CMTR1: variants seen among roughly 807,000 people sequenced by gnomAD.
The protein encoded by CMTR1 is cap-specific mRNA (nucleoside-2'-O-)-methyltransferase 1.
In CMTR1, 39 loss-of-function variants were observed where a neutral mutation model predicts 107.0. That is an observed-to-expected ratio of 0.36 (90% CI 0.28 to 0.48). The LOEUF is 0.48. CMTR1 is among the 20% of genes least tolerant of loss of function. CMTR1 has a pLI of 0.99. For missense variants in CMTR1, 672 were observed against 1,064.9 expected (o/e 0.63, Z 5.14); for synonymous variants, 366 against 379.5 (o/e 0.96, Z 0.41).
intron 10 of CMTR1, among the ~76,000 whole-genome samples, chr6:37,461,303 C>A (rs1346715243): frequency 6.6e-6 from 1 of 152,202 alleles, no homozygotes; most frequent in African/African-American, 2.4e-5. Context: ...AGGCTTGGTT[C>A]CATCCCCTGA....
At position 37,462,999 on chromosome 6, in the gene CMTR1, C is replaced by A; in HGVS notation, c.1496C>A (p.Ser499Tyr). The part of the protein sequence containing the change: ...DHEFTDYMIR[S>Y]NESHCSLQIK... Reference sequence around the variant, plus strand: ...GAATTTACTGACTACATGATACGGTCCAATGAGAGGTAAGCCAACGGGCTG... The same window carrying A: ...GAATTTACTGACTACATGATACGGTACAATGAGAGGTAAGCCAACGGGCTG... The change falls in exon 13 of 24, where the codon TCC (serine) becomes TAC (tyrosine). Residue 499 changes from serine to tyrosine, a missense_variant. By Grantham distance (144) the Ser-to-Tyr change is moderately radical. Around this residue, in one of 2 missense-constraint regions of CMTR1, gnomAD observed 583 missense variants for 968.4 expected, o/e 0.60. Coordinates refer to ENST00000373451, the MANE Select transcript of CMTR1 (RefSeq NM_015050.3). 6.2e-7 allele frequency: 1 copy of A among 1,613,880 alleles called. No homozygotes were observed. The highest frequency in any genetic ancestry group is 1.1e-5 in the South Asian group (1 of 91,038).
chr6:37,475,747 G>A, intron 19 of CMTR1: 1 of 488,888 alleles, frequency 2.0e-6, no homozygotes, highest in Non-Finnish European at 3.7e-6. Flanking sequence ...TCCTGTGCTT[G>A]AGTGGTCCCA....
At chr6:37,427,862 G>A in the CMTR1 span, among the ~76,000 whole-genome samples, 17 of 152,210 alleles carry the variant, frequency 1.1e-4, no homozygotes, top group African/African-American at 4.1e-4. This position sits in a 1 kb window ranked among gnomAD's most constrained non-coding sequence, Gnocchi z 4.4. Flanking sequence ...AGAATTCCAC[G>A]TTGACTGTTC....
intron 9 of CMTR1, 118 bp from the exon 10 acceptor site, chr6:37,459,448 G>T: frequency 1.3e-6 from 1 of 790,242 alleles, no homozygotes; most frequent in Non-Finnish European, 2.2e-6. Context: ...AGCCTTGCAG[G>T]ATGGGCCCTA....
At position 37,480,774 on chromosome 6, in the gene CMTR1, A is replaced by G. The variant is rs749635756; in HGVS notation, c.*629A>G. On this transcript the variant is annotated 3_prime_UTR_variant, in exon 24 of 24. Coordinates refer to ENST00000373451, the MANE Select transcript of CMTR1 (RefSeq NM_015050.3). ...AGCTCTGACAGTCCAGCAGGGTGGG[A>G]AGGAGGGAGTTTGGGCAAACTCTCA... 3.6e-5 allele frequency: 39 copies of G among 1,090,974 alleles called. No individual in the cohort carries two copies. The highest frequency in any genetic ancestry group is 4.1e-5 in the Non-Finnish European group (37 of 892,910). The allele number at this position is 1,090,974 out of a possible 1,614,324, so 67.6% of individuals were successfully genotyped here. A position where few individuals can be genotyped will look rare whatever the true frequency, so the allele number is the denominator to read the frequency against.
At chr6:37,424,320 G>A in the CMTR1 span, among the ~76,000 whole-genome samples, 1 of 150,888 alleles carries the variant, frequency 6.6e-6, no homozygotes, top group South Asian at 2.1e-4. Context: ...TCAGCTCACT[G>A]CAAGCTGCGC....
chr6:37,424,395 A>G, the CMTR1 span, among the ~76,000 whole-genome samples: 1 of 150,298 alleles, frequency 6.7e-6, no homozygotes, highest in African/African-American at 2.4e-5. Context: ...GGCGCCCGCC[A>G]CCTCGCCTGG....
intron 12 of CMTR1, among the ~76,000 whole-genome samples, chr6:37,462,492 C>T (rs1032880895): frequency 1.3e-5 from 2 of 152,158 alleles, no homozygotes; most frequent in African/African-American, 2.4e-5. Flanking sequence ...CAGAATTGCC[C>T]GGTGGCTTTG....
chr6:37,445,158 A>C (rs1438739573), intron 3 of CMTR1, among the ~76,000 whole-genome samples: 1 of 152,222 alleles, frequency 6.6e-6, no homozygotes, highest in African/African-American at 2.4e-5. Context: ...GATTTGGGGA[A>C]GTTAAAGATG....
chr6:37,470,620 TA>T (rs1761604454), intron 13 of CMTR1, among the ~76,000 whole-genome samples: 1 of 152,210 alleles, frequency 6.6e-6, no homozygotes, highest in Non-Finnish European at 1.5e-5. Flanking sequence ...ATTTTTTTAT[TA>T]AATGCCAGAC....
Position 37,461,966 on chromosome 6 carries a change from C to A in CMTR1, c.1193-4C>A. The A allele has an allele frequency of 6.2e-7, 1 of 1,613,510 alleles. No individual in the cohort carries two copies. Among genetic ancestry groups the A allele is most frequent in the Non-Finnish European group, 8.5e-7 (1 of 1,179,892 alleles). On this transcript the variant is annotated splice_region_variant and splice_polypyrimidine_tract_variant and intron_variant, in intron 11 of 23. Coordinates refer to ENST00000373451, the MANE Select transcript of CMTR1 (RefSeq NM_015050.3). ...CTGCTTTTGGTGTTTTCTCTCTAAT[C>A]TAGGAGGCCACTTCATCTGTAAAAC...
At chr6:37,475,081 C>T (rs892695757) in intron 18 of CMTR1, among the ~76,000 whole-genome samples, 1 of 152,322 alleles carries the variant, frequency 6.6e-6, no homozygotes, top group East Asian at 1.9e-4. Flanking sequence ...GCAGCAGCCT[C>T]ACTGGGTTTG....
At chr6:37,446,529 C>T in intron 4 of CMTR1, 80 bp downstream of exon 4, 2 of 1,498,912 alleles carry the variant, frequency 1.3e-6, no homozygotes, top group East Asian at 2.3e-5. Context: ...TATCAACAAA[C>T]TAGAAATCTC....
Position 37,435,684 on chromosome 6 carries a change from A to G in CMTR1, c.55A>G (p.Arg19Gly), listed in dbSNP as rs1274185252. Residue 19 changes from arginine to glycine, a missense_variant, in exon 2 of 24, where the codon AGA (arginine) becomes GGA (glycine). This residue lies in a region of CMTR1 where 89 missense variants were observed against 96.6 expected (regional missense o/e 0.92). Coordinates refer to ENST00000373451, the MANE Select transcript of CMTR1 (RefSeq NM_015050.3). ...TGCCCCCATCAAGAAACAGAAAAAA[A>G]GAGTTGCAGAGCTTGCCCTGAGCCT... is the stretch of plus-strand genomic sequence containing the variant. ...CTAPIKKQKK[R>G]VAELALSLSS... The G allele has an allele frequency of 3.1e-6, 5 of 1,602,344 alleles. No individual in the cohort carries two copies. Among genetic ancestry groups the G allele is most frequent in the South Asian group, 1.1e-5 (1 of 88,668 alleles).
chr6:37,448,843 A>G (rs1771866128), intron 4 of CMTR1, among the ~76,000 whole-genome samples: 1 of 152,254 alleles, frequency 6.6e-6, no homozygotes, highest in Non-Finnish European at 1.5e-5. Flanking sequence ...TGCACAGTAG[A>G]ATCATCTGGG....
At chr6:37,427,238 C>T in the CMTR1 span, among the ~76,000 whole-genome samples, 12 of 152,258 alleles carry the variant, frequency 7.9e-5, no homozygotes, top group East Asian at 1.4e-3. This position sits in a 1 kb window ranked among gnomAD's most constrained non-coding sequence, Gnocchi z 4.4. Context: ...TTACATCAGA[C>T]GGATTCCGCC....
intron 4 of CMTR1, 81 bp downstream of exon 4, chr6:37,446,530 T>C (rs1472568894): frequency 6.7e-7 from 1 of 1,497,824 alleles, no homozygotes. Context: ...ATCAACAAAC[T>C]AGAAATCTCC....
At chr6:37,461,883 A>C in intron 11 of CMTR1, 87 bp from the exon 12 acceptor site, 1 of 1,469,274 alleles carries the variant, frequency 6.8e-7, no homozygotes, top group South Asian at 1.2e-5. Flanking sequence ...GGTTTCCTTG[A>C]CTTTGTCATA....
chr6:37,462,705 G>C, intron 12 of CMTR1, 124 bp from the exon 13 acceptor site: 2 of 825,448 alleles, frequency 2.4e-6, no homozygotes, highest in Non-Finnish European at 4.0e-6. Flanking sequence ...GTTGTTCTTT[G>C]TGCGTAGGCC....
Sources: allele counts gnomAD v4.1 joint callset (sites outside exome capture counted in the v4.1 genomes callset), GRCh38; gene constraint gnomAD v4.1.1; regional missense constraint gnomAD v4.1.1; non-coding constraint Gnocchi (gnomAD v3.1); transcripts MANE v1.5; gene names NCBI Gene and HGNC (gene_info 2026-07-23, HGNC 2026-07-21).